The following SETMAR variants were observed in gnomAD, a reference collection of about 807,000 sequenced individuals.
SETMAR encodes histone-lysine N-methyltransferase SETMAR.
A neutral mutation model predicts 58.4 loss-of-function variants in SETMAR; 44 were observed. The ratio of observed to expected loss-of-function variants is 0.75; its 90% CI spans 0.59 to 0.97. The LOEUF (loss-of-function observed/expected upper bound fraction) is 0.97, where lower values mean the gene tolerates loss of function less well. SETMAR is among the 50% of genes least tolerant of loss of function. The pLI is 0.00. For missense variants in SETMAR, 903 were observed against 840.2 expected (o/e 1.07, Z -0.92); for synonymous variants, 332 against 307.4 (o/e 1.08, Z -0.84).
intron 1 of SETMAR, among the ~76,000 whole-genome samples, chr3:4,306,689 A>G (rs550978280): frequency 6.6e-6 from 1 of 152,378 alleles, no homozygotes; most frequent in East Asian, 1.9e-4. Flanking sequence ...ATGGAACACA[A>G]AACCAGTCTT....
chr3:4,309,938 G>A (rs1287226437), intron 1 of SETMAR, among the ~76,000 whole-genome samples: 1 of 152,170 alleles, frequency 6.6e-6, no homozygotes, highest in Non-Finnish European at 1.5e-5. Context: ...GTCATAGAGT[G>A]CACAGTACTT....
intron 1 of SETMAR, among the ~76,000 whole-genome samples, chr3:4,304,676 C>T (rs1171751271): frequency 6.6e-6 from 1 of 152,190 alleles, no homozygotes; most frequent in Non-Finnish European, 1.5e-5. Flanking sequence ...ACCCTATCTG[C>T]CCTTTCTTTT....
rs765548354 is a variant in SETMAR at position 4,316,841 on chromosome 3, C to T, written c.1650C>T (p.Pro550=). 19 of 1,550,018 alleles carry T rather than the reference C, an allele frequency of 1.2e-5. No individual in the cohort carries two copies. The highest frequency in any genetic ancestry group is 6.9e-5 in the African/African-American group (5 of 72,942). Reference sequence around the variant, plus strand: ...TGATCCACTACAGCTTTCTGAATCCCGGTGAAACCATTACATCTGAGAAGT... The same window carrying T: ...TGATCCACTACAGCTTTCTGAATCCTGGTGAAACCATTACATCTGAGAAGT... ...AGLIHYSFLN[P]GETITSEKYA... Residue 550 remains proline (P), a synonymous_variant, in exon 3 of 3, where the codon CCC becomes CCT. Transcript: ENST00000358065.
intron 1 of SETMAR, chr3:4,304,011 T>G: frequency 2.8e-6 from 1 of 362,700 alleles, no homozygotes; most frequent in South Asian, 3.3e-5. Context: ...AGCCTTAGAG[T>G]CTTCCAGCGT....
chr3:4,313,906 C>G, intron 2 of SETMAR, 145 bp downstream of exon 2: 1 of 1,392,856 alleles, frequency 7.2e-7, no homozygotes, highest in Non-Finnish European at 9.6e-7. Flanking sequence ...TTTCCCCTTT[C>G]TGTAATAGAA....
At chr3:4,303,747 C>G (rs575280069) in intron 1 of SETMAR, 1 of 1,483,998 alleles carries the variant, frequency 6.7e-7, no homozygotes, top group African/African-American at 1.4e-5. Context: ...CAGTCCATTC[C>G]CTGAAGCGCA....
Position 4,316,565 on chromosome 3 carries a change from G to A in SETMAR, c.1374G>A (p.Lys458=), listed in dbSNP as rs1698658696. ...KQIGKVKKLD[K]WVPHELTENQ... ...TTGGAAAGGTGAAAAAGCTCGATAA[G>A]TGGGTGCCTCATGAGCTGACTGAAA... Residue 458 remains lysine (K), a synonymous_variant, in exon 3 of 3, where the codon AAG becomes AAA. Coordinates refer to ENST00000358065, the MANE Select transcript of SETMAR (RefSeq NM_006515.4). 6.4e-7 allele frequency: 1 copy of A among 1,554,360 alleles called. No individual in the cohort carries two copies. The highest frequency in any genetic ancestry group is 8.7e-7 in the Non-Finnish European group (1 of 1,148,296).
At chr3:4,305,289 T>A (rs1457407914) in intron 1 of SETMAR, among the ~76,000 whole-genome samples, 2 of 152,150 alleles carry the variant, frequency 1.3e-5, no homozygotes, top group Non-Finnish European at 2.9e-5. Context: ...TTTTACCATG[T>A]TGCCCAGGCT....
chr3:4,314,566 A>G (rs1398014790), intron 2 of SETMAR, among the ~76,000 whole-genome samples: 1 of 111,386 alleles, frequency 9.0e-6, no homozygotes, highest in Non-Finnish European at 1.7e-5. Context: ...CACATTGTAA[A>G]TTTTTCATTT....
rs1269825850 is a variant in SETMAR, at chr3:4,313,970, G to C, written c.1020+209G>C. ...CCCAGAATACTCACTTTCCTAGTTA[G>C]ATTTGTCTTAGTGACTGTTCTAGTT... On this transcript the variant is annotated intron_variant, in intron 2 of 2. Coordinates refer to ENST00000358065, the MANE Select transcript of SETMAR (RefSeq NM_006515.4). The C allele has an allele frequency of 5.5e-6, 5 of 917,402 alleles. No individual in the cohort carries two copies. The African/African-American group carries it at 8.4e-5, about 15-fold the overall frequency. The allele number at this position is 917,402 out of a possible 1,614,324, so 56.8% of individuals were successfully genotyped here. A position where few individuals can be genotyped will look rare whatever the true frequency, so the allele number is the denominator to read the frequency against.
At chr3:4,311,882 C>T (rs995491774) in intron 1 of SETMAR, among the ~76,000 whole-genome samples, 4 of 152,196 alleles carry the variant, frequency 2.6e-5, no homozygotes, top group African/African-American at 4.8e-5. Flanking sequence ...CTGCTGGGTT[C>T]ATGAGAGATA....
intron 2 of SETMAR, among the ~76,000 whole-genome samples, chr3:4,315,362 T>A (rs1698594171): frequency 6.6e-6 from 1 of 152,208 alleles, no homozygotes; most frequent in Non-Finnish European, 1.5e-5. Flanking sequence ...CAGATACCCT[T>A]TTCTATGTCC....
chr3:4,313,896 T>C, intron 2 of SETMAR, 135 bp downstream of exon 2: 1 of 1,440,140 alleles, frequency 6.9e-7, no homozygotes, highest in Non-Finnish European at 9.3e-7. Flanking sequence ...ATCAGTATCC[T>C]TTCCCCTTTC....
At position 4,303,385 on chromosome 3, in the gene SETMAR, G is replaced by A; in HGVS notation, c.15G>A (p.Ala5=). ...GAGGCGGGTAAATGTTCGCGGAAGC[G>A]GCAAAGACGACACGGCCTTGTGGGA... is the stretch of plus-strand genomic sequence containing the variant. MFAE[A]AKTTRPCGMA... Residue 5 remains alanine (A), a synonymous_variant, in exon 1 of 3, where the codon GCG becomes GCA. Coordinates refer to ENST00000358065, the MANE Select transcript of SETMAR (RefSeq NM_006515.4). The A allele has an allele frequency of 6.4e-7, 1 of 1,555,116 alleles. No homozygotes were observed. The highest frequency in any genetic ancestry group is 8.7e-7 in the Non-Finnish European group (1 of 1,154,454).
intron 1 of SETMAR, among the ~76,000 whole-genome samples, chr3:4,308,128 G>C (rs1408651720): frequency 6.6e-6 from 1 of 152,176 alleles, no homozygotes; most frequent in African/African-American, 2.4e-5. Flanking sequence ...CTTGATAACT[G>C]AAAGAAGTCT....
At chr3:4,314,961 A>C (rs182138278) in intron 2 of SETMAR, among the ~76,000 whole-genome samples, 161 of 152,342 alleles carry the variant, frequency 1.1e-3, no homozygotes, top group African/African-American at 3.7e-3. Flanking sequence ...ATATAAGTAC[A>C]TTGTACACTT....
intron 1 of SETMAR, among the ~76,000 whole-genome samples, chr3:4,309,523 G>T (rs1295498247): frequency 6.6e-6 from 1 of 152,124 alleles, no homozygotes; most frequent in Non-Finnish European, 1.5e-5. Context: ...AACAAAAAAG[G>T]GAAGGAATTG....
At chr3:4,307,178 A>G (rs755466652) in intron 1 of SETMAR, among the ~76,000 whole-genome samples, 15 of 152,232 alleles carry the variant, frequency 9.9e-5, no homozygotes, top group Non-Finnish European at 2.1e-4. Context: ...CCAGGTTTTA[A>G]GCCTAGAATG....
chr3:4,308,398 A>G (rs1290744355), intron 1 of SETMAR, among the ~76,000 whole-genome samples: 1 of 129,728 alleles, frequency 7.7e-6, no homozygotes, highest in East Asian at 2.8e-4. Context: ...TATGAAATAA[A>G]TAAGATGTTT....
Sources: gnomAD v4.1 joint callset for allele counts (sites outside exome capture counted in the v4.1 genomes callset) on GRCh38, gnomAD v4.1.1 for gene constraint, MANE v1.5 for transcripts, NCBI Gene and HGNC (gene_info 2026-07-23, HGNC 2026-07-21) for gene names.